Variants in KLHL32 observed in about 807,000 individuals in gnomAD.
KLHL32 encodes the protein kelch-like protein 32.
In KLHL32, 35 loss-of-function variants were observed where a neutral mutation model predicts 64.8. That is an observed-to-expected ratio of 0.54 (90% CI 0.41 to 0.72). The LOEUF (loss-of-function observed/expected upper bound fraction) is 0.72. Among genes scored for constraint, KLHL32 ranks in the 30% least tolerant of loss-of-function variants. KLHL32 has a pLI of 0.00. For synonymous variants in KLHL32, 259 were observed against 281.0 expected (o/e 0.92, Z 0.78); for missense variants, 589 against 768.5 (o/e 0.77, Z 2.76).
intron 3 of KLHL32, among the ~76,000 whole-genome samples, chr6:97,018,651 C>T (rs748603995): frequency 6.6e-6 from 1 of 150,862 alleles, no homozygotes; most frequent in Non-Finnish European, 1.5e-5. Flanking sequence ...AGAAATGTAC[C>T]TCAGAAAAAA....
At chr6:97,011,235 A>G (rs1393159032) in intron 3 of KLHL32, among the ~76,000 whole-genome samples, 1 of 152,226 alleles carries the variant, frequency 6.6e-6, no homozygotes, top group Non-Finnish European at 1.5e-5. Flanking sequence ...TTTATTAAGA[A>G]TGGGAGACAT....
intron 3 of KLHL32, among the ~76,000 whole-genome samples, chr6:96,998,611 G>C (rs1306302411): frequency 6.6e-6 from 1 of 152,098 alleles, no homozygotes; most frequent in East Asian, 1.9e-4. Flanking sequence ...TAAATATCAT[G>C]ATGTTCAATA....
In KLHL32 at chr6:97,114,031, T is replaced by C. The variant is rs1797536259; in HGVS notation, c.876T>C (p.Tyr292=). ...CACGATTCCAGTCAGACACTCTGTA[T>C]ATCATTGGTGGGAAAAAGCGCGAGG... is the stretch of plus-strand genomic sequence containing the variant. ...TKPRFQSDTL[Y]IIGGKKREVC... The change falls in exon 7 of 11, where the codon TAT becomes TAC. Residue 292 remains tyrosine, a synonymous_variant. Coordinates refer to ENST00000369261, the MANE Select transcript of KLHL32 (RefSeq NM_052904.4). The C allele has an allele frequency of 6.2e-7, 1 of 1,614,056 alleles. No homozygotes were observed. The highest frequency in any genetic ancestry group is 8.5e-7 in the Non-Finnish European group (1 of 1,180,044).
At chr6:97,130,012 A>T (rs1799265801) in intron 8 of KLHL32, among the ~76,000 whole-genome samples, 1 of 152,238 alleles carries the variant, frequency 6.6e-6, no homozygotes, top group African/African-American at 2.4e-5. Flanking sequence ...GGCTGATAAA[A>T]GGAAATGTGG....
chr6:97,134,540 A>G lies in KLHL32; in HGVS notation c.1701+1793A>G, dbSNP rs193064544. Among the ~76,000 whole-genome samples, 112 of 152,334 alleles carry G rather than the reference A, an allele frequency of 7.4e-4. 1 individual carries two copies. Among genetic ancestry groups the G allele is most frequent in the African/African-American group, 2.6e-3 (107 of 41,580 alleles). On this transcript the variant is annotated intron_variant, in intron 10 of 10. Coordinates refer to ENST00000369261, the MANE Select transcript of KLHL32 (RefSeq NM_052904.4). ...ACTCAGAACTGGGCAACAGTTCTCT[A>G]TAGTGCTGGAACACTGTTTTTTAAA...
intron 3 of KLHL32, among the ~76,000 whole-genome samples, chr6:96,991,915 T>C (rs1777919446): frequency 6.6e-6 from 1 of 152,102 alleles, no homozygotes; most frequent in Non-Finnish European, 1.5e-5. Context: ...GGCTGCGCTG[T>C]GCTGGGGGTC....
the KLHL32 span, among the ~76,000 whole-genome samples, chr6:96,906,228 C>A: frequency 6.6e-6 from 1 of 152,186 alleles, no homozygotes; most frequent in Non-Finnish European, 1.5e-5. Context: ...GACTTCTAAC[C>A]TACAGAACCA....
intron 7 of KLHL32, among the ~76,000 whole-genome samples, chr6:97,115,462 G>A (rs903280771): frequency 3.9e-5 from 6 of 152,012 alleles, no homozygotes; most frequent in Non-Finnish European, 5.9e-5. Context: ...AAAACCTTTT[G>A]ATTATGGAAA....
intron 4 of KLHL32, among the ~76,000 whole-genome samples, chr6:97,057,481 C>CTATGT: frequency 2.2e-5 from 2 of 89,180 alleles, no homozygotes; most frequent in Non-Finnish European, 4.1e-5. Flanking sequence ...CGCGCCCGGC[C>CTATGT]GAGTATCTTT....
At chr6:96,920,453 C>T (rs1768716454), upstream of KLHL32, among the ~76,000 whole-genome samples, 1 of 152,004 alleles carries the variant, frequency 6.6e-6, no homozygotes, top group Non-Finnish European at 1.5e-5. Flanking sequence ...CACACAGCAT[C>T]GATGGTACTG....
chr6:97,123,426 G>A (rs1263829874), intron 7 of KLHL32, among the ~76,000 whole-genome samples: 2 of 152,160 alleles, frequency 1.3e-5, no homozygotes, highest in Admixed American at 1.3e-4. Context: ...ATTTCTCACT[G>A]TTGGTAGCAT....
At chr6:97,080,758 G>A (rs1269229247) in intron 5 of KLHL32, among the ~76,000 whole-genome samples, 1 of 152,196 alleles carries the variant, frequency 6.6e-6, no homozygotes, top group African/African-American at 2.4e-5. Flanking sequence ...TGGGGGATCA[G>A]GGGAGGAGAC....
intron 6 of KLHL32, among the ~76,000 whole-genome samples, chr6:97,102,872 G>A (rs1048709816): frequency 2.6e-5 from 4 of 151,800 alleles, no homozygotes; most frequent in Non-Finnish European, 5.9e-5. Flanking sequence ...GGGAGTACAC[G>A]TGAAGGTTTC....
intron 5 of KLHL32, among the ~76,000 whole-genome samples, chr6:97,067,059 T>G (rs1346970164): frequency 1.3e-5 from 2 of 152,168 alleles, no homozygotes; most frequent in African/African-American, 4.8e-5. Flanking sequence ...ATGCCATTCT[T>G]TCTTTGGTTT....
chr6:96,957,505 A>G (rs1365806154), intron 1 of KLHL32, among the ~76,000 whole-genome samples: 1 of 152,212 alleles, frequency 6.6e-6, no homozygotes, highest in Non-Finnish European at 1.5e-5. Flanking sequence ...AAAGATGAAG[A>G]TGAATAATTT....
rs1018708951 is a variant in KLHL32, at chr6:96,989,738, A to G, written c.204+13561A>G. On this transcript the variant is annotated intron_variant, in intron 3 of 10. Coordinates refer to ENST00000369261, the MANE Select transcript of KLHL32 (RefSeq NM_052904.4). ...CCCCCCCTCTCTTCCAGGGATACCAATTTGTCTTACCTGTGGTCTCTTTAC... is the reference window on the plus strand; with the variant it reads ...CCCCCCCTCTCTTCCAGGGATACCAGTTTGTCTTACCTGTGGTCTCTTTAC... 4.6e-5 allele frequency among the ~76,000 whole-genome samples: 7 copies of G among 151,960 alleles called. No individual in the cohort carries two copies. In the East Asian group the frequency reaches 9.7e-4, roughly 21 times the overall value.
At position 97,097,329 on chromosome 6, in the gene KLHL32, TTAAC is replaced by T. The variant is rs1236698830; in HGVS notation, c.627+11991_627+11994del. Among the ~76,000 whole-genome samples, 25 of 152,278 alleles carry T rather than the reference TTAAC, an allele frequency of 1.6e-4. No individual in the cohort carries two copies. In the East Asian group the frequency reaches 4.6e-3, roughly 28 times the overall value. Reference sequence around the variant, plus strand: ...CTGATGGCACAATTATTCTGACCCTTTAACTAGAGGCTGCTGTGATAATGAAAGG... The same window carrying T: ...CTGATGGCACAATTATTCTGACCCTTTAGAGGCTGCTGTGATAATGAAAGG... On this transcript the variant is annotated intron_variant, in intron 6 of 10. Coordinates refer to ENST00000369261, the MANE Select transcript of KLHL32 (RefSeq NM_052904.4).
intron 3 of KLHL32, among the ~76,000 whole-genome samples, chr6:96,999,854 G>A (rs1480418454): frequency 6.6e-6 from 1 of 152,082 alleles, no homozygotes; most frequent in Admixed American, 6.5e-5. Flanking sequence ...GACATTTACC[G>A]AGCGTCTACT....
chr6:96,938,195 A>G (rs907923379), intron 1 of KLHL32, among the ~76,000 whole-genome samples: 2 of 152,162 alleles, frequency 1.3e-5, no homozygotes, highest in African/African-American at 4.8e-5. Context: ...CACAGCTCCA[A>G]ATTTGCTGTA....
Sources: gnomAD v4.1 joint callset for allele counts (sites outside exome capture counted in the v4.1 genomes callset) on GRCh38, gnomAD v4.1.1 for gene constraint, MANE v1.5 for transcripts, NCBI Gene and HGNC (gene_info 2026-07-23, HGNC 2026-07-21) for gene names.